The following GFRAL variants were observed in gnomAD, a reference collection of about 807,000 sequenced individuals.
GFRAL encodes GDNF family receptor alpha-like.
Under a neutral mutation model 45.4 loss-of-function variants are expected in GFRAL, and 36 were observed. That is an observed-to-expected ratio of 0.79 (90% CI 0.61 to 1.05). The LOEUF (loss-of-function observed/expected upper bound fraction) is 1.05. Ranked by LOEUF, GFRAL falls within the 50% of genes least tolerant of loss-of-function variation. The pLI, the probability that GFRAL is intolerant of heterozygous loss-of-function variation, is 0.00. For synonymous variants in GFRAL, 166 were observed against 154.1 expected (o/e 1.08, Z -0.57); for missense variants, 507 against 467.5 (o/e 1.08, Z -0.78).
rs1467528179 is a variant in GFRAL at position 55,367,263 on chromosome 6, C to A, written c.952+8125C>A. Among the ~76,000 whole-genome samples, 4 of 132,138 alleles carry A rather than the reference C, an allele frequency of 3.0e-5. 1 individual carries two copies. Among genetic ancestry groups the A allele is most frequent in the Non-Finnish European group, 3.2e-5 (2 of 62,670 alleles). The allele number at this position is 132,138 out of a possible 152,430, so 86.7% of individuals were successfully genotyped here. A position where few individuals can be genotyped will look rare whatever the true frequency, so the allele number is the denominator to read the frequency against. Reference sequence around the variant, plus strand: ...GTTTTATCAGAGACTAGGATTGCAACCCCTGCCTTTTTTTGTTTTCCATTT... The same window carrying A: ...GTTTTATCAGAGACTAGGATTGCAAACCCTGCCTTTTTTTGTTTTCCATTT... On this transcript the variant is annotated intron_variant, in intron 6 of 8. Coordinates refer to ENST00000340465, the MANE Select transcript of GFRAL (RefSeq NM_207410.2).
At chr6:55,344,737 G>C (rs770486744) in intron 3 of GFRAL, among the ~76,000 whole-genome samples, 28 of 152,302 alleles carry the variant, frequency 1.8e-4, no homozygotes, top group Non-Finnish European at 3.7e-4. Context: ...ATTAGGAAAA[G>C]AGAAAGTCAA....
chr6:55,369,249 T>C (rs997179491), intron 6 of GFRAL, among the ~76,000 whole-genome samples: 10 of 152,154 alleles, frequency 6.6e-5, no homozygotes, highest in Admixed American at 2.0e-4. Flanking sequence ...GAAAGGGAAC[T>C]CCCTGACCCC....
At chr6:55,339,881 T>G (rs2127351645) in intron 3 of GFRAL, among the ~76,000 whole-genome samples, 1 of 152,332 alleles carries the variant, frequency 6.6e-6, no homozygotes, top group Admixed American at 6.5e-5. Context: ...CTATACATAT[T>G]TAGAGCAGTT....
At chr6:55,384,342 T>A (rs537520491) in intron 6 of GFRAL, among the ~76,000 whole-genome samples, 3 of 152,088 alleles carry the variant, frequency 2.0e-5, no homozygotes, top group Non-Finnish European at 4.4e-5. Context: ...AAGAGAAGCA[T>A]TATTTTTTCT....
chr6:55,395,175 A>AAAAAAATATATATATATAT, intron 6 of GFRAL, among the ~76,000 whole-genome samples: 16 of 123,508 alleles, frequency 1.3e-4, no homozygotes, highest in Non-Finnish European at 1.9e-4. Context: ...AAAAAAAAAA[A>AAAAAAATATATATATATAT]ATATATATAT....
In GFRAL at chr6:55,330,657, T is replaced by C. The variant is rs148587301; in HGVS notation, c.23-1058T>C. 7.9e-5 allele frequency among the ~76,000 whole-genome samples: 12 copies of C among 152,266 alleles called. No individual in the cohort carries two copies. The East Asian group carries it at 2.1e-3, about 27-fold the overall frequency. Reference sequence around the variant, plus strand: ...CATGGATCATTCGGGAAACGATAAATGCTTGAGACCTTCCAGATTGCACAT... The same window carrying C: ...CATGGATCATTCGGGAAACGATAAACGCTTGAGACCTTCCAGATTGCACAT... On this transcript the variant is annotated intron_variant, in intron 1 of 8. Coordinates refer to ENST00000340465, the MANE Select transcript of GFRAL (RefSeq NM_207410.2).
intron 5 of GFRAL, among the ~76,000 whole-genome samples, chr6:55,356,327 G>A (rs562895230): frequency 6.6e-6 from 1 of 151,914 alleles, no homozygotes; most frequent in African/African-American, 2.4e-5. Flanking sequence ...GTAAAATTCA[G>A]CATCATGTCC....
At chr6:55,361,217 G>A (rs531758872) in intron 6 of GFRAL, among the ~76,000 whole-genome samples, 1 of 151,968 alleles carries the variant, frequency 6.6e-6, no homozygotes, top group Non-Finnish European at 1.5e-5. Flanking sequence ...TCAAATGACA[G>A]GATTATAGAA....
rs1166324777 is a variant in GFRAL, at chr6:55,359,005, T to G, written c.819T>G (p.Asp273Glu). The part of the protein sequence containing the change: ...SKQDLTCSGS[D>E]DCKAAYIDIL... ...AGGACCTCACTTGTTCAGGAAGTGA[T>G]GACTGCAAAGCTGCTTACATAGATA... Residue 273 changes from aspartate to glutamate, a missense_variant, in exon 6 of 9, where the codon GAT becomes GAG. Asp to Glu is a conservative substitution (Grantham distance 45). Transcript: ENST00000340465. The G allele has an allele frequency of 1.9e-6, 3 of 1,613,138 alleles. No individual in the cohort carries two copies. The Admixed American group carries it at 5.0e-5, about 27-fold the overall frequency.
chr6:55,398,982 C>T (rs190223246), intron 6 of GFRAL, among the ~76,000 whole-genome samples, 198 bp from the exon 7 acceptor site: 45 of 151,912 alleles, frequency 3.0e-4, no homozygotes, highest in Middle Eastern at 3.4e-3. Flanking sequence ...AGCTTATACA[C>T]GGAAATTACC....
intron 6 of GFRAL, among the ~76,000 whole-genome samples, chr6:55,386,183 G>T (rs933213794): frequency 1.3e-5 from 2 of 152,080 alleles, no homozygotes; most frequent in Admixed American, 6.6e-5. Context: ...TCTAGTTCCA[G>T]ATTACCTTTT....
intron 3 of GFRAL, among the ~76,000 whole-genome samples, chr6:55,343,143 C>G (rs139414899): frequency 2.0e-5 from 3 of 152,104 alleles, no homozygotes; most frequent in Non-Finnish European, 4.4e-5. Context: ...ACAAGGATAT[C>G]CAGGAATTGA....
Position 55,328,621 on chromosome 6 carries a change from C to CT in GFRAL, c.22+1051dup, listed in dbSNP as rs563466680. ...AAAGATTGTTAATATTTCTTTAGTT[C>CT]TTTTTTGTGATAAAGAGAAATATAG... On this transcript the variant is annotated intron_variant, in intron 1 of 8. Transcript: ENST00000340465. Among the ~76,000 whole-genome samples the CT allele has an allele frequency of 2.9e-4, 44 of 151,102 alleles. 1 individual carries two copies. The South Asian group carries it at 4.4e-3, about 15-fold the overall frequency.
At chr6:55,355,232 G>A (rs527865047) in intron 5 of GFRAL, among the ~76,000 whole-genome samples, 6 of 151,658 alleles carry the variant, frequency 4.0e-5, no homozygotes, top group South Asian at 2.1e-4. Flanking sequence ...TTAGGGAGTC[G>A]GGGGCGAGGG....
intron 6 of GFRAL, among the ~76,000 whole-genome samples, chr6:55,365,997 A>C (rs539242916): frequency 2.0e-5 from 3 of 149,904 alleles, no homozygotes; most frequent in Non-Finnish European, 4.4e-5. Context: ...ATTGATTGGA[A>C]TAGTTTCAGA....
intron 6 of GFRAL, among the ~76,000 whole-genome samples, chr6:55,394,374 A>C (rs1045774958): frequency 1.3e-5 from 2 of 152,118 alleles, no homozygotes; most frequent in Non-Finnish European, 1.5e-5. Flanking sequence ...TATTAAAGGG[A>C]AGGGCCAGGA....
intron 6 of GFRAL, among the ~76,000 whole-genome samples, chr6:55,392,006 T>G (rs1768760450): frequency 6.6e-6 from 1 of 152,210 alleles, no homozygotes; most frequent in Non-Finnish European, 1.5e-5. Flanking sequence ...TAGATTTCAC[T>G]CATGAAACCA....
At chr6:55,333,722 G>T in intron 2 of GFRAL, 64 bp from the exon 3 acceptor site, 1 of 1,021,582 alleles carries the variant, frequency 9.8e-7, no homozygotes, top group Non-Finnish European at 1.4e-6. Context: ...AAAGTACTTT[G>T]GGGAGGAAGA....
chr6:55,346,111 G>A (rs192438822), intron 3 of GFRAL, among the ~76,000 whole-genome samples: 2,706 of 152,156 alleles, frequency 0.018, 34 homozygotes, highest in Non-Finnish European at 0.027. Flanking sequence ...AACTAGTTCA[G>A]CCATTGTGGA....
Sources: allele counts gnomAD v4.1 joint callset (sites outside exome capture counted in the v4.1 genomes callset), GRCh38; gene constraint gnomAD v4.1.1; transcripts MANE v1.5; gene names NCBI Gene and HGNC (gene_info 2026-07-23, HGNC 2026-07-21).